The following DOCK8 variants were observed in gnomAD, a reference collection of about 807,000 sequenced individuals.
DOCK8 encodes the protein dedicator of cytokinesis 8.
Under a neutral mutation model 245.6 loss-of-function variants are expected in DOCK8, and 141 were observed. That is an observed-to-expected ratio of 0.57 (90% CI 0.50 to 0.66). The LOEUF is 0.66. DOCK8 is among the 30% of genes least tolerant of loss of function. DOCK8 has a pLI of 0.00. For missense variants in DOCK8, 2,965 were observed against 2,603.4 expected, an observed-to-expected ratio of 1.14 and a Z score of -3.02; for synonymous variants, 1,168 against 970.2, an observed-to-expected ratio of 1.20 and a Z score of -3.79.
intron 34 of DOCK8, among the ~76,000 whole-genome samples, 168 bp from the exon 35 acceptor site, chr9:428,194 T>C (rs2056569599): frequency 6.6e-6 from 1 of 152,182 alleles, no homozygotes; most frequent in Non-Finnish European, 1.5e-5. Flanking sequence ...CATTTGGAAA[T>C]AGGTCTTCAG....
At chr9:351,720 C>T (rs972195222) in intron 14 of DOCK8, among the ~76,000 whole-genome samples, 2 of 152,152 alleles carry the variant, frequency 1.3e-5, no homozygotes, top group African/African-American at 4.8e-5. Flanking sequence ...AAGTTTGCCT[C>T]TTTATGTCCA....
intron 2 of DOCK8, among the ~76,000 whole-genome samples, chr9:279,515 C>T (rs1039655483): frequency 2.6e-5 from 4 of 152,122 alleles, no homozygotes; most frequent in African/African-American, 4.8e-5. Context: ...AATAGAGGAA[C>T]GAACTGTCAC....
intron 26 of DOCK8, among the ~76,000 whole-genome samples, chr9:400,622 ACCATCACCACCACCT>A (rs2054907968): frequency 8.6e-6 from 1 of 116,462 alleles, no homozygotes; most frequent in Admixed American, 8.4e-5. Flanking sequence ...CACCTCCACC[ACCATCACCACCACCT>A]CCACCATCAC....
At chr9:246,695 G>C (rs2047513319) in intron 1 of DOCK8, among the ~76,000 whole-genome samples, 1 of 152,142 alleles carries the variant, frequency 6.6e-6, no homozygotes, top group Admixed American at 6.5e-5. Flanking sequence ...TATTTTCTTA[G>C]TGGTCTTGTT....
chr9:214,844 C>CCTT, upstream of DOCK8: 1 of 1,601,192 alleles, frequency 6.2e-7, no homozygotes, highest in Non-Finnish European at 8.5e-7. Flanking sequence ...GGTGGAAATG[C>CCTT]GGAAGTTTCC....
At chr9:419,154 T>C (rs1361058427) in intron 30 of DOCK8, among the ~76,000 whole-genome samples, 2 of 152,186 alleles carry the variant, frequency 1.3e-5, no homozygotes, top group Admixed American at 6.5e-5. Context: ...CACATTTCAA[T>C]GTAGGGTATA....
chr9:451,971 ATATATATTTTT>A (rs1564085380), intron 45 of DOCK8, 29 bp from the exon 46 acceptor site: 9 of 401,266 alleles, frequency 2.2e-5, no homozygotes, highest in East Asian at 2.2e-4. Flanking sequence ...ATATATATAT[ATATATATTTTT>A]TTTTTTTTTT....
At chr9:360,081 C>T (rs774680035) in intron 14 of DOCK8, among the ~76,000 whole-genome samples, 2 of 151,910 alleles carry the variant, frequency 1.3e-5, no homozygotes, top group Non-Finnish European at 2.9e-5. Context: ...TTTGGGAGGC[C>T]GAGGCGGGCG....
At chr9:385,184 A>T (rs2053899406) in intron 22 of DOCK8, among the ~76,000 whole-genome samples, 1 of 152,210 alleles carries the variant, frequency 6.6e-6, no homozygotes. Context: ...TATATTAAAA[A>T]CAAAGGTAAT....
intron 9 of DOCK8, among the ~76,000 whole-genome samples, chr9:328,912 C>T (rs1273018921): frequency 1.4e-5 from 2 of 146,234 alleles, no homozygotes; most frequent in Non-Finnish European, 3.0e-5. Flanking sequence ...TTTTACCTAC[C>T]TTAGGCCAGA....
intron 2 of DOCK8, among the ~76,000 whole-genome samples, chr9:279,165 A>G (rs527582831): frequency 5.3e-5 from 8 of 152,336 alleles, no homozygotes; most frequent in South Asian, 2.1e-4. Flanking sequence ...CACCTGGGCA[A>G]TTGGTGGACT....
chr9:426,407 C>G (rs754720599), intron 33 of DOCK8, among the ~76,000 whole-genome samples: 4 of 152,230 alleles, frequency 2.6e-5, no homozygotes, highest in Non-Finnish European at 5.9e-5. Flanking sequence ...TGACTTGGCT[C>G]TGAAGCTCCA....
intron 12 of DOCK8, among the ~76,000 whole-genome samples, chr9:338,585 G>A (rs2051428568): frequency 6.6e-6 from 1 of 152,166 alleles, no homozygotes; most frequent in East Asian, 1.9e-4. Context: ...ACTTAACCTT[G>A]TTCGAGACAA....
At chr9:401,461 C>G (rs2055097885) in intron 26 of DOCK8, among the ~76,000 whole-genome samples, 1 of 152,104 alleles carries the variant, frequency 6.6e-6, no homozygotes. Flanking sequence ...TAGGGAGTCT[C>G]TGGGTCAGAG....
rs528909125 is a variant in DOCK8 at position 308,278 on chromosome 9, C to T, written c.528+3574C>T. Among the ~76,000 whole-genome samples the T allele has an allele frequency of 2.0e-5, 3 of 152,342 alleles. No individual in the cohort carries two copies. The East Asian group carries it at 5.8e-4, about 29-fold the overall frequency. The stretch of plus-strand genomic sequence containing the variant: ...TAATTACCCTGATTTGATCATTACA[C>T]ATTGTACACAGGTATTGAGATATTA... On this transcript the variant is annotated intron_variant, in intron 5 of 47. Transcript: ENST00000432829.
At chr9:372,467 A>T (rs1276200386) in intron 18 of DOCK8, among the ~76,000 whole-genome samples, 181 bp downstream of exon 18, 1 of 152,170 alleles carries the variant, frequency 6.6e-6, no homozygotes, top group East Asian at 1.9e-4. Flanking sequence ...AATGCCACCA[A>T]ATCAGAATGT....
chr9:273,245 A>C (rs966960994), intron 2 of DOCK8: 3 of 480,746 alleles, frequency 6.2e-6, no homozygotes, highest in Non-Finnish European at 8.1e-6. Context: ...AAATCTACTT[A>C]TGACTTCAGT....
chr9:338,882 T>C (rs1308586535), intron 12 of DOCK8, 124 bp from the exon 13 acceptor site: 1 of 779,174 alleles, frequency 1.3e-6, no homozygotes, highest in Non-Finnish European at 2.2e-6. Flanking sequence ...CTGTCTATAA[T>C]CCTAATTTCT....
At chr9:266,615 T>C (rs1255317273) in intron 1 of DOCK8, among the ~76,000 whole-genome samples, 1 of 152,188 alleles carries the variant, frequency 6.6e-6, no homozygotes, top group African/African-American at 2.4e-5. Context: ...CTCTACGCTA[T>C]GATTAGTTGT....
Sources: gnomAD v4.1 joint callset for allele counts (sites outside exome capture counted in the v4.1 genomes callset) on GRCh38, gnomAD v4.1.1 for gene constraint, MANE v1.5 for transcripts, NCBI Gene and HGNC (gene_info 2026-07-23, HGNC 2026-07-21) for gene names.